CSMD3: variants seen among roughly 807,000 people sequenced by gnomAD.
The protein encoded by CSMD3 is CUB and sushi domain-containing protein 3.
A neutral mutation model predicts 435.2 loss-of-function variants in CSMD3; 177 were observed. The ratio of observed to expected loss-of-function variants is 0.41; its 90% CI spans 0.36 to 0.46. The LOEUF (loss-of-function observed/expected upper bound fraction) is 0.46. Ranked by LOEUF, CSMD3 falls within the 20% of genes least tolerant of loss-of-function variation. The pLI is 0.34. For missense variants in CSMD3, 4,265 were observed against 4,504.6 expected (o/e 0.95, Z 1.52); for synonymous variants, 1,656 against 1,520.5 (o/e 1.09, Z -2.07).
intron 32 of CSMD3, among the ~76,000 whole-genome samples, chr8:112,451,108 A>C (rs1398781475): frequency 6.6e-6 from 1 of 152,196 alleles, no homozygotes; most frequent in African/African-American, 2.4e-5. Context: ...ATAGCAAACA[A>C]AAATACTTAA....
At chr8:113,289,238 A>G (rs1420461030) in intron 2 of CSMD3, among the ~76,000 whole-genome samples, 2 of 151,830 alleles carry the variant, frequency 1.3e-5, no homozygotes, top group Admixed American at 6.6e-5. Flanking sequence ...AAGATGACAG[A>G]TCTGAGAATT....
At chr8:112,929,888 G>T (rs2083050644) in intron 9 of CSMD3, among the ~76,000 whole-genome samples, 1 of 151,978 alleles carries the variant, frequency 6.6e-6, no homozygotes, top group Admixed American at 6.6e-5. Flanking sequence ...TTTAAGACAT[G>T]AGTTAAAATC....
At chr8:113,057,821 TG>T (rs1446420900) in intron 5 of CSMD3, among the ~76,000 whole-genome samples, 1 of 151,860 alleles carries the variant, frequency 6.6e-6, no homozygotes, top group Non-Finnish European at 1.5e-5. Flanking sequence ...TGAATAGATA[TG>T]TAGGATATGA....
At chr8:112,949,019 C>T (rs1587738288) in intron 8 of CSMD3, among the ~76,000 whole-genome samples, 1 of 152,138 alleles carries the variant, frequency 6.6e-6, no homozygotes, top group Non-Finnish European at 1.5e-5. Context: ...AAGCCATCCT[C>T]TTGCCTTGGC....
At chr8:113,129,385 T>C (rs1353685019) in intron 4 of CSMD3, among the ~76,000 whole-genome samples, 1 of 152,064 alleles carries the variant, frequency 6.6e-6, no homozygotes, top group Non-Finnish European at 1.5e-5. Flanking sequence ...AGAGATCCAA[T>C]GATAAGATGT....
In CSMD3 at chr8:112,641,458, TTAA is replaced by T. The variant is rs984310395; in HGVS notation, c.3311-2550_3311-2548del. ...AATTTTAATCATTCTGCCAAACTGG[TTAA>T]TACAACTCAATATAGGAGCATAGAA... On this transcript the variant is annotated intron_variant, in intron 20 of 70. Coordinates refer to ENST00000297405, the MANE Select transcript of CSMD3 (RefSeq NM_198123.2). 2.9e-4 allele frequency among the ~76,000 whole-genome samples: 44 copies of T among 152,078 alleles called. 1 individual carries two copies. Among genetic ancestry groups the T allele is most frequent in the African/African-American group, 1.0e-3 (42 of 41,410 alleles).
intron 27 of CSMD3, among the ~76,000 whole-genome samples, chr8:112,542,247 A>G (rs1826740196): frequency 6.6e-6 from 1 of 151,468 alleles, no homozygotes; most frequent in African/African-American, 2.4e-5. Flanking sequence ...CAAGATCAGG[A>G]ATAAGCCAAG....
chr8:112,695,306 T>C lies in CSMD3; in HGVS notation c.1973-5256A>G, dbSNP rs1017428146. Among the ~76,000 whole-genome samples the C allele has an allele frequency of 2.0e-5, 3 of 152,236 alleles. No homozygotes were observed. The East Asian group carries it at 5.8e-4, about 29-fold the overall frequency. The stretch of plus-strand genomic sequence containing the variant: ...TTATCTTCACAAAAACTATGCAGTA[T>C]TGTGTTATGTATATCATACTTTAAC... On this transcript the variant is annotated intron_variant, in intron 13 of 70. Transcript: ENST00000297405.
intron 41 of CSMD3, among the ~76,000 whole-genome samples, chr8:112,342,993 A>ATATT (rs1233796060): frequency 3.8e-5 from 1 of 26,146 alleles, no homozygotes; most frequent in African/African-American, 7.7e-5. Context: ...ATATTTATAT[A>ATATT]TATATATTTA....
At chr8:112,856,560 T>C (rs1426566373) in intron 11 of CSMD3, among the ~76,000 whole-genome samples, 1 of 151,886 alleles carries the variant, frequency 6.6e-6, no homozygotes, top group Non-Finnish European at 1.5e-5. Flanking sequence ...CATGTTCTTA[T>C]CTGTGCAACC....
At chr8:113,417,693 T>A (rs550959783) in intron 1 of CSMD3, among the ~76,000 whole-genome samples, 1 of 151,944 alleles carries the variant, frequency 6.6e-6, no homozygotes. Flanking sequence ...GTAAGAGACC[T>A]GAAACAATGC....
chr8:112,895,996 G>C (rs1409211574), intron 10 of CSMD3, among the ~76,000 whole-genome samples: 2 of 151,388 alleles, frequency 1.3e-5, no homozygotes, highest in Admixed American at 6.6e-5. Context: ...CTTTCAGTGA[G>C]TTATCTGTAC....
intron 50 of CSMD3, among the ~76,000 whole-genome samples, chr8:112,308,533 C>A (rs940719092): frequency 1.3e-5 from 2 of 151,846 alleles, no homozygotes; most frequent in East Asian, 1.9e-4. Flanking sequence ...GAAAATAAAT[C>A]CAGTTCAGAA....
At chr8:112,414,907 G>A (rs949218377) in intron 32 of CSMD3, among the ~76,000 whole-genome samples, 2 of 152,194 alleles carry the variant, frequency 1.3e-5, no homozygotes, top group Non-Finnish European at 2.9e-5. Context: ...TTGAACTTGA[G>A]AGAGATGATT....
At chr8:113,427,908 T>C (rs2094645471) in intron 1 of CSMD3, among the ~76,000 whole-genome samples, 1 of 151,712 alleles carries the variant, frequency 6.6e-6, no homozygotes, top group Non-Finnish European at 1.5e-5. Flanking sequence ...GTGAAGTTCA[T>C]AAATTTATCT....
intron 15 of CSMD3, among the ~76,000 whole-genome samples, chr8:112,683,750 C>T (rs2075953601): frequency 6.6e-6 from 1 of 151,832 alleles, no homozygotes; most frequent in Admixed American, 6.6e-5. Flanking sequence ...TGCATTAGTA[C>T]ATGCAGTGAT....
chr8:112,323,956 C>T (rs747110982), intron 45 of CSMD3, among the ~76,000 whole-genome samples: 1 of 152,054 alleles, frequency 6.6e-6, no homozygotes, highest in Non-Finnish European at 1.5e-5. Context: ...CCTACTCACA[C>T]AGCCAGAATT....
chr8:112,600,442 C>A (rs968559118), intron 22 of CSMD3, among the ~76,000 whole-genome samples: 4 of 152,064 alleles, frequency 2.6e-5, no homozygotes, highest in Non-Finnish European at 4.4e-5. Context: ...CCTCATTTAA[C>A]GCAACCGATA....
chr8:112,871,537 A>G (rs1410069051), intron 10 of CSMD3, among the ~76,000 whole-genome samples: 1 of 152,116 alleles, frequency 6.6e-6, no homozygotes, highest in Non-Finnish European at 1.5e-5. Context: ...ACTGGAAGTT[A>G]GAGCGCTGTT....
Sources: gnomAD v4.1 joint callset for allele counts (sites outside exome capture counted in the v4.1 genomes callset) on GRCh38, gnomAD v4.1.1 for gene constraint, MANE v1.5 for transcripts, NCBI Gene and HGNC (gene_info 2026-07-23, HGNC 2026-07-21) for gene names.